The following SYT9 variants were observed in gnomAD, a reference collection of about 807,000 sequenced individuals.
The protein encoded by SYT9 is synaptotagmin-9.
SYT9 carries 22 observed loss-of-function variants against 48.4 expected under a neutral mutation model. That is an observed-to-expected ratio of 0.45 (90% CI 0.32 to 0.65). The LOEUF (loss-of-function observed/expected upper bound fraction) is 0.65. Among genes scored for constraint, SYT9 ranks in the 30% least tolerant of loss-of-function variants. SYT9 has a pLI of 0.03. For synonymous variants in SYT9, 265 were observed against 245.0 expected (o/e 1.08, Z -0.76); for missense variants, 577 against 622.0 (o/e 0.93, Z 0.77).
intron 3 of SYT9, among the ~76,000 whole-genome samples, chr11:7,332,084 T>C (rs1038438045): frequency 9.2e-5 from 14 of 152,086 alleles, no homozygotes; most frequent in Non-Finnish European, 7.4e-5. Context: ...AGTGACTTAG[T>C]GAAGGACTGC....
chr11:7,348,397 C>T (rs756913219), intron 3 of SYT9, among the ~76,000 whole-genome samples: 12 of 152,176 alleles, frequency 7.9e-5, no homozygotes, highest in East Asian at 1.9e-4. Context: ...TCCATCATTT[C>T]GGGTCAGTTT....
At chr11:7,387,094 A>T (rs1462232223) in intron 3 of SYT9, among the ~76,000 whole-genome samples, 2 of 152,216 alleles carry the variant, frequency 1.3e-5, no homozygotes, top group Non-Finnish European at 2.9e-5. Flanking sequence ...TTGGAATTGA[A>T]CAATGAGAAC....
chr11:7,274,317 C>CTT (rs576480483), intron 1 of SYT9, among the ~76,000 whole-genome samples: 2,668 of 124,992 alleles, frequency 0.021, 60 homozygotes, highest in African/African-American at 0.039. Context: ...TGAAGTTCAT[C>CTT]TTTTTTTTTT....
intron 1 of SYT9, among the ~76,000 whole-genome samples, chr11:7,258,554 C>A (rs1848019786): frequency 6.6e-6 from 1 of 151,872 alleles, no homozygotes; most frequent in South Asian, 2.1e-4. Context: ...GATAGAACTG[C>A]ACTTGAAAGA....
At chr11:7,243,764 G>A (rs1847764566) in intron 1 of SYT9, among the ~76,000 whole-genome samples, 1 of 152,042 alleles carries the variant, frequency 6.6e-6, no homozygotes, top group Admixed American at 6.6e-5. Flanking sequence ...TCTTTTTTCT[G>A]GCATCTTTTT....
At chr11:7,375,243 A>G (rs1332246686) in intron 3 of SYT9, among the ~76,000 whole-genome samples, 1 of 152,074 alleles carries the variant, frequency 6.6e-6, no homozygotes, top group African/African-American at 2.4e-5. Flanking sequence ...GTGTGGTGTT[A>G]TTTCTGAGGC....
chr11:7,388,938 A>T (rs914126321), intron 3 of SYT9, among the ~76,000 whole-genome samples: 2 of 152,274 alleles, frequency 1.3e-5, no homozygotes, highest in African/African-American at 4.8e-5. Flanking sequence ...GTTCACAAGC[A>T]TATGGACCAC....
chr11:7,363,810 GTCTGTTCAGC>G (rs1387782419), intron 3 of SYT9, among the ~76,000 whole-genome samples: 6 of 152,142 alleles, frequency 3.9e-5, no homozygotes, highest in Non-Finnish European at 7.3e-5. Context: ...ATGGAGAGGT[GTCTGTTCAGC>G]AACATAGGGG....
intron 6 of SYT9, among the ~76,000 whole-genome samples, chr11:7,450,030 C>T (rs1338644309): frequency 6.6e-6 from 1 of 152,164 alleles, no homozygotes; most frequent in Non-Finnish European, 1.5e-5. Flanking sequence ...TATGATCCCT[C>T]CGATGAATAA....
chr11:7,341,486 C>T (rs1260546682), intron 3 of SYT9, among the ~76,000 whole-genome samples: 2 of 152,194 alleles, frequency 1.3e-5, no homozygotes, highest in Non-Finnish European at 2.9e-5. Context: ...AGTTCCCCTG[C>T]ACACGTTCTC....
rs1266690425 is a variant in SYT9 at position 7,313,543 on chromosome 11, A to G, written c.646A>G (p.Ser216Gly). ...RSLDNDDGRR[S>G]NSKACGKLNF... is the part of the protein sequence containing the mutation. The stretch of plus-strand genomic sequence containing the variant: ...ATTGGATAATGATGACGGGAGACGG[A>G]GTAACAGCAAGGCTTGTGGGAAACT... Residue 216 changes from serine (S) to glycine (G), a missense_variant, in exon 3 of 7, where the codon AGT becomes GGT. By Grantham distance (56) the Ser-to-Gly change is moderately conservative (BLOSUM62 0). Transcript: ENST00000318881. The G allele has an allele frequency of 6.2e-7, 1 of 1,614,174 alleles. No homozygotes were observed. The highest frequency in any genetic ancestry group is 2.2e-5 in the East Asian group (1 of 44,878).
At chr11:7,360,773 C>T (rs575188950) in intron 3 of SYT9, among the ~76,000 whole-genome samples, 29 of 152,212 alleles carry the variant, frequency 1.9e-4, no homozygotes, top group African/African-American at 6.5e-4. Context: ...TGGAAAAATT[C>T]CTTTTTAAAA....
At chr11:7,358,141 A>G (rs1850058493) in intron 3 of SYT9, among the ~76,000 whole-genome samples, 1 of 152,170 alleles carries the variant, frequency 6.6e-6, no homozygotes, top group Non-Finnish European at 1.5e-5. Context: ...TGGTATAGAA[A>G]GGGTTAAAGA....
intron 3 of SYT9, among the ~76,000 whole-genome samples, chr11:7,367,920 C>T (rs1850283085): frequency 6.6e-6 from 1 of 152,178 alleles, no homozygotes; most frequent in Admixed American, 6.5e-5. Context: ...TTCTAAGAGC[C>T]TTGTATATGA....
intron 1 of SYT9, among the ~76,000 whole-genome samples, chr11:7,261,967 G>A (rs913169726): frequency 6.6e-5 from 10 of 152,162 alleles, no homozygotes; most frequent in African/African-American, 2.2e-4. Context: ...TCTGACTTAG[G>A]AAGAGAAAGG....
intron 3 of SYT9, among the ~76,000 whole-genome samples, chr11:7,328,080 AATAAT>A (rs1226362683): frequency 9.5e-4 from 1 of 1,054 alleles, no homozygotes; most frequent in Non-Finnish European, 0.011. Context: ...AATTAAAAAT[AATAAT>A]AATAATAATA....
intron 5 of SYT9, 111 bp from the exon 6 acceptor site, chr11:7,420,395 A>G (rs1257290845): frequency 7.1e-7 from 1 of 1,405,030 alleles, no homozygotes; most frequent in African/African-American, 1.4e-5. Context: ...AAAACAAACA[A>G]ACAAACAAAC....
intron 3 of SYT9, among the ~76,000 whole-genome samples, chr11:7,335,120 C>G (rs1564866786): frequency 6.6e-6 from 1 of 152,152 alleles, no homozygotes; most frequent in East Asian, 1.9e-4. Flanking sequence ...TCTAGTTGCT[C>G]TACATTCTCA....
At chr11:7,391,533 T>G (rs1444201019) in intron 3 of SYT9, among the ~76,000 whole-genome samples, 1 of 151,992 alleles carries the variant, frequency 6.6e-6, no homozygotes, top group Admixed American at 6.6e-5. Flanking sequence ...ATTGTGGTTT[T>G]CATTTGCATT....
Sources: allele counts gnomAD v4.1 joint callset (sites outside exome capture counted in the v4.1 genomes callset), GRCh38; gene constraint gnomAD v4.1.1; transcripts MANE v1.5; gene names NCBI Gene and HGNC (gene_info 2026-07-23, HGNC 2026-07-21).